Variants in TRPC6 observed in about 807,000 individuals in gnomAD.
TRPC6 encodes the protein short transient receptor potential channel 6.
In TRPC6, 55 loss-of-function variants were observed where a neutral mutation model predicts 90.7. The ratio of observed to expected loss-of-function variants is 0.61; its 90% confidence interval spans 0.49 to 0.76. The LOEUF is 0.76. Among genes scored for constraint, TRPC6 ranks in the 30% least tolerant of loss-of-function variants. The probability of loss-of-function intolerance (pLI) is 0.00; values close to 1 mark genes in which losing one functional copy is unlikely to be tolerated. For synonymous variants in TRPC6, 393 were observed against 393.0 expected (o/e 1.00, Z 0.00); for missense variants, 989 against 1,122.7 (o/e 0.88, Z 1.70).
intron 1 of TRPC6, among the ~76,000 whole-genome samples, chr11:101,522,229 T>A (rs1860678931): frequency 6.6e-6 from 1 of 152,142 alleles, no homozygotes; most frequent in African/African-American, 2.4e-5. Context: ...CAAATATGGG[T>A]ATGGATATTC....
chr11:101,511,821 G>A (rs1860400502), intron 1 of TRPC6, among the ~76,000 whole-genome samples: 1 of 151,926 alleles, frequency 6.6e-6, no homozygotes, highest in South Asian at 2.1e-4. Flanking sequence ...GTGAAACCCT[G>A]TCTCTACTAA....
intron 1 of TRPC6, among the ~76,000 whole-genome samples, chr11:101,524,421 T>A (rs1236663702): frequency 6.6e-6 from 1 of 152,068 alleles, no homozygotes; most frequent in African/African-American, 2.4e-5. Flanking sequence ...GCTAATTTTT[T>A]GGTATTTTTA....
chr11:101,451,978 G>A lies in TRPC6; in HGVS notation c.*977C>T, dbSNP rs1858772795. 1 of 152,300 alleles carries A rather than the reference G, an allele frequency of 6.6e-6. No individual in the cohort carries two copies. The highest frequency in any genetic ancestry group is 2.1e-4 in the South Asian group (1 of 4,824). The allele number at this position is 152,300 out of a possible 1,614,324, so 9.4% of individuals were successfully genotyped here. A position where few individuals can be genotyped will look rare whatever the true frequency, so the allele number is the denominator to read the frequency against. On this transcript the variant is annotated 3_prime_UTR_variant, in exon 13 of 13. Coordinates refer to ENST00000344327, the MANE Select transcript of TRPC6 (RefSeq NM_004621.6). ...TTTTATATATTTGGGTAGAAGGATA[G>A]AACATATTGAAAATAACAGATAAGT...
chr11:101,457,775 T>C (rs6590860), intron 10 of TRPC6, among the ~76,000 whole-genome samples: 47,236 of 151,992 alleles, frequency 0.31, 9,521 homozygotes, highest in African/African-American at 0.58. Context: ...TTACCTACCT[T>C]CCAGAGCTAT....
At chr11:101,462,859 G>C (rs1418572861) in intron 10 of TRPC6, among the ~76,000 whole-genome samples, 1 of 152,132 alleles carries the variant, frequency 6.6e-6, no homozygotes, top group East Asian at 1.9e-4. Flanking sequence ...AATAGGAGTG[G>C]TGAGGGAGGA....
intron 1 of TRPC6, among the ~76,000 whole-genome samples, chr11:101,564,887 T>C (rs367834610): frequency 6.6e-5 from 10 of 151,930 alleles, no homozygotes; most frequent in African/African-American, 2.4e-4. Flanking sequence ...ATCAATAGAA[T>C]AGAACAGAGA....
intron 1 of TRPC6, among the ~76,000 whole-genome samples, chr11:101,559,951 A>G (rs983130839): frequency 6.6e-6 from 1 of 152,044 alleles, no homozygotes; most frequent in East Asian, 1.9e-4. Context: ...ATGTCCCTAC[A>G]AAGGTTTTCT....
At chr11:101,456,891 C>T (rs1858896312) in intron 10 of TRPC6, among the ~76,000 whole-genome samples, 1 of 152,058 alleles carries the variant, frequency 6.6e-6, no homozygotes, top group African/African-American at 2.4e-5. Flanking sequence ...AAATTCTAGT[C>T]AGTTTCTAAT....
chr11:101,456,876 G>GA (rs553716360), intron 10 of TRPC6, among the ~76,000 whole-genome samples: 118 of 151,968 alleles, frequency 7.8e-4, no homozygotes, highest in African/African-American at 2.7e-3. Context: ...TTTATTTTCA[G>GA]AAAAAAATTC....
rs746596603 is a variant in TRPC6 at position 101,471,324 on chromosome 11, C to T, written c.2268G>A (p.Glu756=). Reference sequence around the variant, plus strand: ...TGAAGGGTACAGGAAGTGTTCTGCCCTCCTCAAAGTAGGAAAACCAGAGTT... The same window carrying T: ...TGAAGGGTACAGGAAGTGTTCTGCCTTCCTCAAAGTAGGAAAACCAGAGTT... ...RAKLWFSYFE[E]GRTLPVPFNL... The change falls in exon 9 of 13, where the codon GAG becomes GAA. Residue 756 remains glutamate (E), a synonymous_variant. Transcript: ENST00000344327. The T allele has an allele frequency of 1.2e-6, 2 of 1,613,922 alleles. No homozygotes were observed. Among genetic ancestry groups the T allele is most frequent in the Non-Finnish European group, 8.5e-7 (1 of 1,179,868 alleles).
chr11:101,560,093 T>C lies in TRPC6; in HGVS notation c.170+23241A>G, dbSNP rs555143432. ...AATTTTGTTTCGGATCAACAGAGTT[T>C]TAGGTTTCATTATGGTGGCATATGA... On this transcript the variant is annotated intron_variant, in intron 1 of 12. Coordinates refer to ENST00000344327, the MANE Select transcript of TRPC6 (RefSeq NM_004621.6). 3.3e-5 allele frequency among the ~76,000 whole-genome samples: 5 copies of C among 152,280 alleles called. No homozygotes were observed. In the East Asian group the frequency reaches 7.7e-4, roughly 23 times the overall value.
intron 1 of TRPC6, among the ~76,000 whole-genome samples, chr11:101,520,518 T>C (rs902904224): frequency 6.6e-6 from 1 of 151,876 alleles, no homozygotes; most frequent in Admixed American, 6.6e-5. Context: ...TGGACAGAGG[T>C]TGGAACAGTT....
chr11:101,504,488 C>T lies in TRPC6; in HGVS notation c.481G>A (p.Val161Ile). 6.2e-7 allele frequency: 1 copy of T among 1,614,110 alleles called. No homozygotes were observed. Among genetic ancestry groups the T allele is most frequent in the Non-Finnish European group, 8.5e-7 (1 of 1,180,008 alleles). ...ATAGCTAGAAGCAAAGCATCCCCAA[C>T]TCGAGAGAGGTTTTCTTTCTTGAGA... ...LLLKKENLSR[V>I]GDALLLAISK... Residue 161 changes from valine to isoleucine, a missense_variant, in exon 2 of 13, where the codon GTT becomes ATT. Around this residue, in one of 4 missense-constraint regions of TRPC6, gnomAD observed 486 missense variants for 591.9 expected, o/e 0.82. Transcript: ENST00000344327.
intron 6 of TRPC6, 132 bp from the exon 7 acceptor site, chr11:101,473,905 G>T: frequency 8.1e-7 from 1 of 1,239,984 alleles, no homozygotes; most frequent in Non-Finnish European, 1.1e-6. Context: ...ATCTTAAAGG[G>T]CTTCTTAAGT....
chr11:101,578,954 A>G (rs1365320350), intron 1 of TRPC6, among the ~76,000 whole-genome samples: 2 of 152,074 alleles, frequency 1.3e-5, no homozygotes, highest in East Asian at 3.9e-4. Context: ...TGCAATTTAA[A>G]TGATATGTTT....
intron 1 of TRPC6, among the ~76,000 whole-genome samples, chr11:101,537,960 C>T (rs1861090709): frequency 6.6e-6 from 1 of 152,046 alleles, no homozygotes; most frequent in East Asian, 1.9e-4. Flanking sequence ...ATATTTTTAG[C>T]AGTTTTCTTG....
chr11:101,526,900 T>TAAAAAAAAA (rs1860794749), intron 1 of TRPC6, among the ~76,000 whole-genome samples: 19 of 86,114 alleles, frequency 2.2e-4, no homozygotes, highest in African/African-American at 5.7e-4. Flanking sequence ...AAAAAAAAAT[T>TAAAAAAAAA]AAATAGTCTT....
At chr11:101,546,957 A>G (rs1861320106) in intron 1 of TRPC6, among the ~76,000 whole-genome samples, 1 of 152,220 alleles carries the variant, frequency 6.6e-6, no homozygotes, top group African/African-American at 2.4e-5. Flanking sequence ...AATAAAAAAT[A>G]CAAATGACAT....
chr11:101,471,471 G>C (rs530263328), intron 8 of TRPC6, 85 bp from the exon 9 acceptor site: 3 of 1,416,360 alleles, frequency 2.1e-6, no homozygotes, highest in Non-Finnish European at 3.0e-6. Flanking sequence ...GCTAGATGGA[G>C]GACAATGCCT....
Sources: allele counts gnomAD v4.1 joint callset (sites outside exome capture counted in the v4.1 genomes callset), GRCh38; gene constraint gnomAD v4.1.1; regional missense constraint gnomAD v4.1.1; transcripts MANE v1.5; gene names NCBI Gene and HGNC (gene_info 2026-07-23, HGNC 2026-07-21).